The following MAGI3 variants were observed in gnomAD, a reference collection of about 807,000 sequenced individuals.
The protein encoded by MAGI3 is membrane associated guanylate kinase, WW and PDZ domain containing 3, also known as membrane-associated guanylate kinase, WW and PDZ domain-containing protein 3.
In MAGI3, 43 loss-of-function variants were observed where a neutral mutation model predicts 121.8. The ratio of observed to expected loss-of-function variants is 0.35; its 90% CI spans 0.28 to 0.46. The LOEUF is 0.46. MAGI3 is among the 20% of genes least tolerant of loss of function. MAGI3 has a pLI of 1.00. For synonymous variants in MAGI3, 553 were observed against 639.3 expected (o/e 0.86, Z 2.04); for missense variants, 1,547 against 1,797.3 (o/e 0.86, Z 2.52).
intron 16 of MAGI3, among the ~76,000 whole-genome samples, chr1:113,659,799 T>C (rs1371341489): frequency 6.6e-6 from 1 of 152,172 alleles, no homozygotes. Context: ...CCCAAACATG[T>C]TTAATGTCTT....
intron 6 of MAGI3, among the ~76,000 whole-genome samples, chr1:113,612,870 A>C (rs564259000): frequency 6.6e-6 from 1 of 152,156 alleles, no homozygotes; most frequent in African/African-American, 2.4e-5. Flanking sequence ...AATTTTTCAG[A>C]TATCAAATGG....
rs115831250 is a variant in MAGI3, at chr1:113,491,285, A to G, written c.317-58230A>G. Among the ~76,000 whole-genome samples, 1,519 of 152,336 alleles carry G rather than the reference A, an allele frequency of 1.0e-2. 11 individuals carry two copies. Among genetic ancestry groups the G allele is most frequent in the Non-Finnish European group, 0.015 (1,026 of 68,016 alleles). On this transcript the variant is annotated intron_variant, in intron 1 of 20. Coordinates refer to ENST00000307546, the MANE Select transcript of MAGI3 (RefSeq NM_001142782.2). ...TGCTCCTGAATAAACTCTTGGATAA[A>G]TAATGAAATTAAGGCAGAAATAAAA...
At chr1:113,547,285 G>C (rs1478143676) in intron 1 of MAGI3, among the ~76,000 whole-genome samples, 1 of 142,828 alleles carries the variant, frequency 7.0e-6, no homozygotes, top group African/African-American at 2.5e-5. Context: ...TGACAGTAAA[G>C]CTTCAAATTT....
At chr1:113,534,509 C>T (rs941983598) in intron 1 of MAGI3, among the ~76,000 whole-genome samples, 1 of 152,144 alleles carries the variant, frequency 6.6e-6, no homozygotes, top group Non-Finnish European at 1.5e-5. Flanking sequence ...TCCATTCATT[C>T]TTCCAGTCTA....
chr1:113,533,071 C>A (rs1312819237), intron 1 of MAGI3, among the ~76,000 whole-genome samples: 1 of 152,080 alleles, frequency 6.6e-6, no homozygotes, highest in Non-Finnish European at 1.5e-5. Context: ...TCATGTGACA[C>A]CTGTTTATTT....
At chr1:113,401,136 A>C (rs1361836103) in intron 1 of MAGI3, among the ~76,000 whole-genome samples, 1 of 152,162 alleles carries the variant, frequency 6.6e-6, no homozygotes. Context: ...ATTGAGTTAG[A>C]GAGATTAACA....
At chr1:113,396,939 A>G (rs1651144981) in intron 1 of MAGI3, among the ~76,000 whole-genome samples, 1 of 152,212 alleles carries the variant, frequency 6.6e-6, no homozygotes, top group South Asian at 2.1e-4. Flanking sequence ...AACTGGCTGC[A>G]TAGTGTGCTA....
chr1:113,473,511 C>G (rs536466824), intron 1 of MAGI3, among the ~76,000 whole-genome samples: 1 of 148,090 alleles, frequency 6.8e-6, no homozygotes. Flanking sequence ...TGAGAACATG[C>G]AGTGTTTGGT....
chr1:113,433,047 T>C (rs1653385523), intron 1 of MAGI3, among the ~76,000 whole-genome samples: 1 of 152,188 alleles, frequency 6.6e-6, no homozygotes, highest in African/African-American at 2.4e-5. Context: ...ATTATTATTG[T>C]TATTATTCTG....
At chr1:113,493,175 A>G (rs1175925878) in intron 1 of MAGI3, among the ~76,000 whole-genome samples, 1 of 152,214 alleles carries the variant, frequency 6.6e-6, no homozygotes, top group Non-Finnish European at 1.5e-5. Context: ...ACAGCATGAT[A>G]CTGCTACAAA....
chr1:113,445,129 A>C (rs558875580), intron 1 of MAGI3, among the ~76,000 whole-genome samples: 23 of 152,308 alleles, frequency 1.5e-4, no homozygotes, highest in African/African-American at 5.3e-4. Flanking sequence ...AAGTGGACCA[A>C]CATAAACATT....
chr1:113,423,246 G>GTTT (rs780554427), intron 1 of MAGI3, among the ~76,000 whole-genome samples: 13 of 110,136 alleles, frequency 1.2e-4, no homozygotes, highest in East Asian at 5.1e-4. Context: ...GTAAGTATTC[G>GTTT]TTTTTTTTTT....
At chr1:113,483,781 T>G (rs910305519) in intron 1 of MAGI3, among the ~76,000 whole-genome samples, 1 of 152,188 alleles carries the variant, frequency 6.6e-6, no homozygotes, top group African/African-American at 2.4e-5. Context: ...TGTGAAAAAT[T>G]TCACACGTCG....
chr1:113,666,675 A>G (rs1055040315), intron 16 of MAGI3, among the ~76,000 whole-genome samples: 1 of 152,232 alleles, frequency 6.6e-6, no homozygotes, highest in Non-Finnish European at 1.5e-5. Context: ...CCTCTTCCCC[A>G]TGAATCACGA....
chr1:113,449,925 C>T, intron 1 of MAGI3: 1 of 1,522,946 alleles, frequency 6.6e-7, no homozygotes, highest in Non-Finnish European at 9.0e-7. Flanking sequence ...TGCTTGACCA[C>T]ACAAGGTTGA....
chr1:113,615,839 A>AT (rs1012148250), intron 7 of MAGI3, among the ~76,000 whole-genome samples: 1 of 152,114 alleles, frequency 6.6e-6, no homozygotes, highest in Admixed American at 6.5e-5. Context: ...TTTTATTATT[A>AT]TTTTTTCCTA....
intron 2 of MAGI3, among the ~76,000 whole-genome samples, chr1:113,572,914 T>C (rs746555561): frequency 5.9e-5 from 9 of 151,966 alleles, no homozygotes; most frequent in Non-Finnish European, 1.2e-4. Context: ...ATCTTGGTTA[T>C]TTCTTCTGTT....
At chr1:113,615,077 T>C (rs1287251983) in intron 7 of MAGI3, among the ~76,000 whole-genome samples, 1 of 152,202 alleles carries the variant, frequency 6.6e-6, no homozygotes, top group African/African-American at 2.4e-5. Context: ...TTTTGAAGCA[T>C]ACACCTAAAG....
At chr1:113,599,054 T>G (rs1157776655) in intron 6 of MAGI3, among the ~76,000 whole-genome samples, 1 of 152,172 alleles carries the variant, frequency 6.6e-6, no homozygotes, top group African/African-American at 2.4e-5. Flanking sequence ...TCTCGTTGGT[T>G]TCAAAGAACA....
Sources: allele counts gnomAD v4.1 joint callset (sites outside exome capture counted in the v4.1 genomes callset), GRCh38; gene constraint gnomAD v4.1.1; transcripts MANE v1.5; gene names NCBI Gene and HGNC (gene_info 2026-07-23, HGNC 2026-07-21).